The following DOCK3 variants were observed in gnomAD, a reference collection of about 807,000 sequenced individuals.
DOCK3 encodes the protein dedicator of cytokinesis 3, also known as dedicator of cytokinesis protein 3.
DOCK3 carries 60 observed loss-of-function variants against 265.6 expected under a neutral mutation model. The observed-to-expected ratio is 0.23, with a 90% confidence interval of 0.18 to 0.28. DOCK3 has a LOEUF of 0.28. Ranked by LOEUF, DOCK3 falls within the 10% of genes least tolerant of loss-of-function variation. The pLI, the probability that DOCK3 is intolerant of heterozygous loss-of-function variation, is 1.00. For missense variants in DOCK3, 1,981 were observed against 2,594.3 expected, an observed-to-expected ratio of 0.76 and a Z score of 5.14; for synonymous variants, 881 against 938.0, an observed-to-expected ratio of 0.94 and a Z score of 1.11.
intron 1 of DOCK3, among the ~76,000 whole-genome samples, chr3:50,768,587 A>G (rs1327019057): frequency 1.3e-5 from 2 of 152,224 alleles, no homozygotes; most frequent in Non-Finnish European, 2.9e-5. Context: ...GATTATCTCA[A>G]TAGATGCAGA....
chr3:51,360,675 G>A, intron 47 of DOCK3, 43 bp downstream of exon 47: 2 of 1,611,076 alleles, frequency 1.2e-6, no homozygotes, highest in Non-Finnish European at 8.5e-7. Flanking sequence ...GGAGAGGTGA[G>A]TCTAAATTGT....
At chr3:51,050,750 C>T (rs939530579) in intron 5 of DOCK3, among the ~76,000 whole-genome samples, 1 of 152,086 alleles carries the variant, frequency 6.6e-6, no homozygotes, top group Non-Finnish European at 1.5e-5. Context: ...TTGTATAATA[C>T]CCATCCATAT....
intron 1 of DOCK3, among the ~76,000 whole-genome samples, chr3:50,741,139 A>G (rs191972055): frequency 2.0e-5 from 3 of 151,444 alleles, no homozygotes; most frequent in African/African-American, 7.3e-5. Flanking sequence ...GACTATATAT[A>G]TATATTATAT....
chr3:51,089,823 A>T (rs1457762065), intron 8 of DOCK3, among the ~76,000 whole-genome samples: 2 of 144,270 alleles, frequency 1.4e-5, no homozygotes, highest in Non-Finnish European at 3.0e-5. Context: ...AATTGCTTGA[A>T]CCCGGGAGTA....
At chr3:51,201,334 A>C (rs2088753253) in intron 12 of DOCK3, among the ~76,000 whole-genome samples, 1 of 151,806 alleles carries the variant, frequency 6.6e-6, no homozygotes, top group Non-Finnish European at 1.5e-5. Flanking sequence ...AGGAAGATCT[A>C]CCAAGCAAAT....
At chr3:50,784,750 G>A (rs1465900228) in intron 2 of DOCK3, among the ~76,000 whole-genome samples, 1 of 152,154 alleles carries the variant, frequency 6.6e-6, no homozygotes, top group Non-Finnish European at 1.5e-5. Flanking sequence ...ATATTCGTAA[G>A]TATTTTATTT....
At chr3:50,707,311 C>T (rs1004476861) in intron 1 of DOCK3, among the ~76,000 whole-genome samples, 1 of 151,794 alleles carries the variant, frequency 6.6e-6, no homozygotes, top group Non-Finnish European at 1.5e-5. Context: ...GTAGGGCATG[C>T]CTGTAATATG....
At chr3:51,350,523 C>T in intron 40 of DOCK3, 131 bp downstream of exon 40, 1 of 1,003,324 alleles carries the variant, frequency 1.0e-6, no homozygotes, top group Non-Finnish European at 1.5e-6. Context: ...CAGTTAACAA[C>T]AGGCATTTGG....
chr3:50,907,952 G>A (rs1033495331), intron 4 of DOCK3, among the ~76,000 whole-genome samples: 1 of 151,686 alleles, frequency 6.6e-6, no homozygotes, highest in Non-Finnish European at 1.5e-5. Flanking sequence ...GTCTTGGGAG[G>A]GCATATGCAT....
chr3:50,786,644 C>G, intron 2 of DOCK3: 1 of 597,308 alleles, frequency 1.7e-6, no homozygotes, highest in Non-Finnish European at 3.2e-6. Context: ...TTAAAGTTGT[C>G]CTTACTCTGG....
intron 12 of DOCK3, among the ~76,000 whole-genome samples, chr3:51,172,772 A>G (rs1304074795): frequency 6.6e-6 from 1 of 151,918 alleles, no homozygotes; most frequent in Non-Finnish European, 1.5e-5. Flanking sequence ...ATACTGGTAT[A>G]CTTTCATTTT....
At chr3:51,312,354 GA>G (rs1054655804) in intron 29 of DOCK3, 121 bp from the exon 30 acceptor site, 37 of 978,636 alleles carry the variant, frequency 3.8e-5, no homozygotes, top group Admixed American at 1.4e-4. Context: ...ATTTAAAAGG[GA>G]AAAAAAATGA....
chr3:50,989,434 C>T (rs958083458), intron 5 of DOCK3, among the ~76,000 whole-genome samples: 2 of 152,118 alleles, frequency 1.3e-5, no homozygotes, highest in Non-Finnish European at 2.9e-5. Context: ...AACATGGCTG[C>T]AACTGTGAGG....
chr3:50,989,267 A>G (rs1559905389), intron 5 of DOCK3, among the ~76,000 whole-genome samples: 3 of 152,150 alleles, frequency 2.0e-5, no homozygotes, highest in Non-Finnish European at 2.9e-5. Context: ...CAAAGCTACT[A>G]CTAAGATTCC....
intron 3 of DOCK3, among the ~76,000 whole-genome samples, chr3:50,871,212 C>T (rs933575053): frequency 2.0e-5 from 3 of 151,710 alleles, no homozygotes; most frequent in African/African-American, 7.3e-5. Flanking sequence ...AATGAAATCC[C>T]TCTGCTTTTG....
At chr3:51,278,660 G>A (rs1215154348) in intron 26 of DOCK3, 3 of 648,578 alleles carry the variant, frequency 4.6e-6, no homozygotes, top group Non-Finnish European at 5.7e-6. Context: ...TGGTAACCCA[G>A]CCTTCTAACC....
intron 2 of DOCK3, among the ~76,000 whole-genome samples, chr3:50,830,517 C>G (rs1039264145): frequency 6.6e-6 from 1 of 152,128 alleles, no homozygotes; most frequent in Admixed American, 6.5e-5. Context: ...AACTTCTTAT[C>G]AAAGGGGTAT....
At chr3:50,743,100 T>A (rs1168184693) in intron 1 of DOCK3, among the ~76,000 whole-genome samples, 1 of 151,656 alleles carries the variant, frequency 6.6e-6, no homozygotes, top group Non-Finnish European at 1.5e-5. Context: ...CTAAGCTTCA[T>A]AAGTGAAGGA....
At chr3:51,030,230 C>T (rs1397456667) in intron 5 of DOCK3, among the ~76,000 whole-genome samples, 1 of 152,156 alleles carries the variant, frequency 6.6e-6, no homozygotes, top group Non-Finnish European at 1.5e-5. Context: ...GATCTTTTTT[C>T]TGAGAAGAAT....
Sources: allele counts gnomAD v4.1 joint callset (sites outside exome capture counted in the v4.1 genomes callset), GRCh38; gene constraint gnomAD v4.1.1; transcripts MANE v1.5; gene names NCBI Gene and HGNC (gene_info 2026-07-23, HGNC 2026-07-21).